FBXL7: variants seen among roughly 807,000 people sequenced by gnomAD.
The protein encoded by FBXL7 is F-box/LRR-repeat protein 7.
Under a neutral mutation model 38.3 loss-of-function variants are expected in FBXL7, and 12 were observed. The observed-to-expected ratio is 0.31, with a 90% CI of 0.20 to 0.51. The LOEUF (loss-of-function observed/expected upper bound fraction) is 0.51, where lower values mean the gene tolerates loss of function less well. FBXL7 is among the 20% of genes least tolerant of loss of function. The pLI is 0.98. For missense variants in FBXL7, 567 were observed against 676.4 expected, an observed-to-expected ratio of 0.84 and a Z score of 1.79; for synonymous variants, 297 against 300.9, an observed-to-expected ratio of 0.99 and a Z score of 0.13.
intron 2 of FBXL7, among the ~76,000 whole-genome samples, chr5:15,803,688 C>A (rs1004526230): frequency 6.6e-6 from 1 of 152,074 alleles, no homozygotes; most frequent in African/African-American, 2.4e-5. Context: ...AGCCTTTTCT[C>A]CAAAGGCTTG....
At chr5:15,521,721 G>A (rs1480441495) in intron 1 of FBXL7, among the ~76,000 whole-genome samples, 1 of 152,194 alleles carries the variant, frequency 6.6e-6, no homozygotes, top group Non-Finnish European at 1.5e-5. Context: ...AGTAAGTGCA[G>A]TGCTCTCGTG....
At chr5:15,731,821 TC>T (rs1735592071) in intron 2 of FBXL7, among the ~76,000 whole-genome samples, 1 of 152,170 alleles carries the variant, frequency 6.6e-6, no homozygotes, top group African/African-American at 2.4e-5. Context: ...GAGGCTGTGT[TC>T]GGGGCTCTGG....
chr5:15,891,947 C>G (rs1740921032), intron 2 of FBXL7, among the ~76,000 whole-genome samples: 1 of 152,180 alleles, frequency 6.6e-6, no homozygotes, highest in South Asian at 2.1e-4. Flanking sequence ...AGTAAAGGAA[C>G]TCAGCCACTG....
At chr5:15,817,705 C>T (rs1738055817) in intron 2 of FBXL7, among the ~76,000 whole-genome samples, 1 of 152,160 alleles carries the variant, frequency 6.6e-6, no homozygotes, top group Non-Finnish European at 1.5e-5. Flanking sequence ...GCCCTCTTGC[C>T]TGCCACCATG....
intron 2 of FBXL7, among the ~76,000 whole-genome samples, chr5:15,815,321 A>C (rs1162923028): frequency 6.6e-6 from 1 of 152,188 alleles, no homozygotes; most frequent in South Asian, 2.1e-4. Flanking sequence ...GTTTCAACAT[A>C]AAATAGCTGT....
chr5:15,671,460 TTG>T (rs1481606184), intron 2 of FBXL7, among the ~76,000 whole-genome samples: 4 of 152,178 alleles, frequency 2.6e-5, no homozygotes, highest in African/African-American at 9.7e-5. Flanking sequence ...GTTTTTTTTT[TTG>T]TTTTTTAAAA....
intron 2 of FBXL7, among the ~76,000 whole-genome samples, chr5:15,678,780 C>T (rs962591116): frequency 3.9e-5 from 6 of 152,156 alleles, no homozygotes; most frequent in Admixed American, 3.3e-4. Context: ...CCATGTAAGA[C>T]ATGCTTTCTG....
chr5:15,626,633 C>T (rs1206037085), intron 2 of FBXL7, among the ~76,000 whole-genome samples: 3 of 151,800 alleles, frequency 2.0e-5, no homozygotes, highest in Admixed American at 6.6e-5. Flanking sequence ...ATGTCCAGAG[C>T]TCTCAGTGCC....
At chr5:15,626,242 T>A (rs1740813381) in intron 2 of FBXL7, among the ~76,000 whole-genome samples, 1 of 152,210 alleles carries the variant, frequency 6.6e-6, no homozygotes, top group African/African-American at 2.4e-5. Context: ...TGCCCAAGTA[T>A]AAGTTAGGTA....
In FBXL7 at chr5:15,895,712, C is replaced by T. The variant is rs147285469; in HGVS notation, c.128-32178C>T. Among the ~76,000 whole-genome samples, 558 of 141,256 alleles carry T rather than the reference C, an allele frequency of 4.0e-3. 3 individuals are homozygous for T. Among genetic ancestry groups the T allele is most frequent in the African/African-American group, 0.014 (536 of 37,604 alleles). 92.7% of individuals were successfully genotyped at this position (141,256 alleles called of 152,430 possible). On this transcript the variant is annotated intron_variant, in intron 2 of 3. Coordinates refer to ENST00000504595, the MANE Select transcript of FBXL7 (RefSeq NM_012304.5). ...GCTCTGGAGTGCAGTGGCGCAAACT[C>T]GGCTCACTGCAAACTCTGCCTCCTG...
chr5:15,717,930 G>C (rs1399517284), intron 2 of FBXL7, among the ~76,000 whole-genome samples: 4 of 121,986 alleles, frequency 3.3e-5, no homozygotes, highest in Non-Finnish European at 7.1e-5. Flanking sequence ...CAGTCAGTAG[G>C]TAATATTTAA....
At chr5:15,736,169 AC>A (rs1735742878) in intron 2 of FBXL7, among the ~76,000 whole-genome samples, 2 of 152,184 alleles carry the variant, frequency 1.3e-5, no homozygotes, top group African/African-American at 2.4e-5. Context: ...AAATTTCAGA[AC>A]CCTTTTTCTT....
chr5:15,599,305 C>T (rs1198000550), intron 1 of FBXL7, among the ~76,000 whole-genome samples: 7 of 152,056 alleles, frequency 4.6e-5, no homozygotes, highest in Non-Finnish European at 1.0e-4. Context: ...TGAAATAATC[C>T]AGCTATGCTT....
intron 1 of FBXL7, among the ~76,000 whole-genome samples, chr5:15,584,335 T>C (rs1206375173): frequency 6.6e-6 from 1 of 152,198 alleles, no homozygotes; most frequent in Non-Finnish European, 1.5e-5. Flanking sequence ...TTCTACCACA[T>C]GGCCAGGCTG....
intron 1 of FBXL7, among the ~76,000 whole-genome samples, chr5:15,508,536 A>T (rs74911769): frequency 0.012 from 1,751 of 152,236 alleles, 37 homozygotes; most frequent in African/African-American, 0.041. Flanking sequence ...TCAAATGGGA[A>T]GGTGGTAATC....
chr5:15,920,957 A>G lies in FBXL7; in HGVS notation c.128-6933A>G, dbSNP rs565608000. The stretch of plus-strand genomic sequence containing the variant: ...CATCCTATTGCAAAAGTGTGTGGTC[A>G]TTTCTCCTTTAAATTCTCCCATTCT... On this transcript the variant is annotated intron_variant, in intron 2 of 3. Transcript: ENST00000504595. Among the ~76,000 whole-genome samples the G allele has an allele frequency of 2.0e-5, 3 of 152,268 alleles. No homozygotes were observed. In the East Asian group the frequency reaches 5.8e-4, roughly 29 times the overall value.
chr5:15,836,378 T>C (rs1407095647), intron 2 of FBXL7, among the ~76,000 whole-genome samples: 1 of 152,096 alleles, frequency 6.6e-6, no homozygotes, highest in Non-Finnish European at 1.5e-5. Flanking sequence ...TGATGAGAGC[T>C]ATACAGAACA....
At chr5:15,633,150 CA>C (rs1380354257) in intron 2 of FBXL7, among the ~76,000 whole-genome samples, 1 of 152,072 alleles carries the variant, frequency 6.6e-6, no homozygotes, top group African/African-American at 2.4e-5. Context: ...ATGAGAAGGA[CA>C]TATTTCATGA....
chr5:15,598,546 G>C (rs1010607772), intron 1 of FBXL7, among the ~76,000 whole-genome samples: 15 of 152,156 alleles, frequency 9.9e-5, no homozygotes, highest in Non-Finnish European at 1.9e-4. Context: ...TCCAGTGGTA[G>C]GGTGGGTGTT....
Sources: allele counts gnomAD v4.1 joint callset (sites outside exome capture counted in the v4.1 genomes callset), GRCh38; gene constraint gnomAD v4.1.1; transcripts MANE v1.5; gene names NCBI Gene and HGNC (gene_info 2026-07-23, HGNC 2026-07-21).